MYO10: variants seen among roughly 807,000 people sequenced by gnomAD.
MYO10 encodes myosin X.
MYO10 carries 133 observed loss-of-function variants against 257.3 expected under a neutral mutation model. That is an observed-to-expected ratio of 0.52 (90% CI 0.45 to 0.60). The LOEUF (loss-of-function observed/expected upper bound fraction) is 0.60. Ranked by LOEUF, MYO10 falls within the 20% of genes least tolerant of loss-of-function variation. The pLI, the probability that MYO10 is intolerant of heterozygous loss-of-function variation, is 0.00. For synonymous variants in MYO10, 1,104 were observed against 1,028.6 expected (o/e 1.07, Z -1.40); for missense variants, 2,399 against 2,635.7 (o/e 0.91, Z 1.97).
Position 16,711,353 on chromosome 5 carries a change from C to T in MYO10, c.1930-108G>A, listed in dbSNP as rs1037439967. 63 of 1,141,038 alleles carry T rather than the reference C, an allele frequency of 5.5e-5. No individual in the cohort carries two copies. The East Asian group carries it at 1.6e-3, about 28-fold the overall frequency. 70.7% of individuals were successfully genotyped at this position (1,141,038 alleles called of 1,614,324 possible). A position where few individuals can be genotyped will look rare whatever the true frequency, so the allele number is the denominator to read the frequency against. ...CATTGGTTTACCCCGCTTCAAAACA[C>T]ATACGAGAATCTTGAACCTACACAG... On this transcript the variant is annotated intron_variant, in intron 19 of 40. Coordinates refer to ENST00000513610, the MANE Select transcript of MYO10 (RefSeq NM_012334.3).
At chr5:16,903,698 C>A (rs1333020746) in intron 1 of MYO10, among the ~76,000 whole-genome samples, 3 of 152,050 alleles carry the variant, frequency 2.0e-5, no homozygotes, top group Non-Finnish European at 4.4e-5. Context: ...TGCTCAACAG[C>A]CTGAAAAAGG....
intron 3 of MYO10, among the ~76,000 whole-genome samples, chr5:16,814,361 G>C (rs900763840): frequency 3.9e-5 from 6 of 151,946 alleles, no homozygotes; most frequent in African/African-American, 1.5e-4. Context: ...TGTTAGCCAG[G>C]ATGGTCTCGA....
intron 2 of MYO10, among the ~76,000 whole-genome samples, chr5:16,868,032 A>T (rs1744331052): frequency 6.6e-6 from 1 of 152,136 alleles, no homozygotes; most frequent in South Asian, 2.1e-4. Flanking sequence ...CTGAATAACT[A>T]CCCCTTAAAA....
At chr5:16,764,723 C>G (rs1467013239) in intron 11 of MYO10, among the ~76,000 whole-genome samples, 1 of 152,116 alleles carries the variant, frequency 6.6e-6, no homozygotes, top group Non-Finnish European at 1.5e-5. Context: ...GAGTCTAGCT[C>G]TGTCACCCAG....
Position 16,672,842 on chromosome 5 carries a change from G to C in MYO10, c.5173-17C>G. ...CTCCACCACCTGGAAGACACACCAG[G>C]GGGACTTCAGTTCCACAGGCTGCGG... On this transcript the variant is annotated splice_polypyrimidine_tract_variant and intron_variant, in intron 36 of 40. Transcript: ENST00000513610. 6.2e-7 allele frequency: 1 copy of C among 1,610,446 alleles called. No homozygotes were observed.
intron 2 of MYO10, among the ~76,000 whole-genome samples, chr5:16,872,860 C>T (rs1290267712): frequency 6.6e-6 from 1 of 152,148 alleles, no homozygotes; most frequent in Non-Finnish European, 1.5e-5. Flanking sequence ...AAGACTGGCC[C>T]CCATGATTCA....
chr5:16,839,739 T>A (rs905847244), intron 2 of MYO10, among the ~76,000 whole-genome samples: 1 of 152,000 alleles, frequency 6.6e-6, no homozygotes, highest in Non-Finnish European at 1.5e-5. Flanking sequence ...AAACTCTGTC[T>A]CAAAAAAAAT....
intron 1 of MYO10, among the ~76,000 whole-genome samples, chr5:16,909,002 T>C (rs1745586108): frequency 6.6e-6 from 1 of 152,246 alleles, no homozygotes; most frequent in African/African-American, 2.4e-5. Flanking sequence ...GAACAGGTGC[T>C]ATGTCTTGGA....
chr5:16,743,567 C>T (rs894689046), intron 19 of MYO10, among the ~76,000 whole-genome samples: 5 of 151,774 alleles, frequency 3.3e-5, no homozygotes, highest in Non-Finnish European at 5.9e-5. Flanking sequence ...TGCTTGAACT[C>T]GGGAGGCAGT....
chr5:16,926,032 A>C (rs1008049429), intron 1 of MYO10, among the ~76,000 whole-genome samples: 4 of 152,236 alleles, frequency 2.6e-5, no homozygotes, highest in African/African-American at 9.6e-5. Flanking sequence ...CTAAAAGAGG[A>C]TAATTTGAAT....
intron 4 of MYO10, among the ~76,000 whole-genome samples, chr5:16,790,159 G>A (rs145440261): frequency 1.2e-3 from 181 of 151,984 alleles, no homozygotes; most frequent in African/African-American, 4.2e-3. Flanking sequence ...TCAATTACCA[G>A]TCCAGGACAT....
In MYO10 at chr5:16,662,335, T is replaced by TTTTTG. The variant is rs1736015312; in HGVS notation, c.*4356_*4357insCAAAA. On this transcript the variant is annotated 3_prime_UTR_variant, in exon 41 of 41. Coordinates refer to ENST00000513610, the MANE Select transcript of MYO10 (RefSeq NM_012334.3). ...TGAACTATTTTTTTTTTTTTTTTTT[T>TTTTTG]TTTTTGGAGACAGAGTCTTGCTCTG... is the stretch of plus-strand genomic sequence containing the variant. 9.1e-6 allele frequency: 1 copy of TTTTTG among 109,350 alleles called. No homozygotes were observed. Among genetic ancestry groups the TTTTTG allele is most frequent in the Non-Finnish European group, 1.9e-5 (1 of 52,180 alleles). 6.8% of individuals were successfully genotyped at this position (109,350 alleles called of 1,614,324 possible). A position where few individuals can be genotyped will look rare whatever the true frequency, so the allele number is the denominator to read the frequency against.
At chr5:16,677,416 C>CTTTTTTTTTTTTTTTTTTTTTTTTTTTTT (rs796474728) in intron 33 of MYO10, among the ~76,000 whole-genome samples, 2 of 119,380 alleles carry the variant, frequency 1.7e-5, no homozygotes, top group Admixed American at 9.3e-5. Flanking sequence ...GTAACTTGAC[C>CTTTTTTTTTTTTTTTTTTTTTTTTTTTTT]TTTTTTTTTT....
intron 40 of MYO10, 67 bp downstream of exon 40, chr5:16,668,210 A>G: frequency 6.8e-7 from 1 of 1,479,146 alleles, no homozygotes; most frequent in Non-Finnish European, 9.1e-7. Flanking sequence ...GGCATGAGGA[A>G]ATGGGGTCCT....
chr5:16,669,473 G>A (rs573649321), intron 39 of MYO10, among the ~76,000 whole-genome samples: 1 of 152,180 alleles, frequency 6.6e-6, no homozygotes, highest in Admixed American at 6.5e-5. Context: ...CAAAGCGCTG[G>A]GATTACAGGC....
At chr5:16,740,899 C>A (rs550873809) in intron 19 of MYO10, among the ~76,000 whole-genome samples, 56 of 149,170 alleles carry the variant, frequency 3.8e-4, no homozygotes, top group Middle Eastern at 7.0e-3. Flanking sequence ...AAAAAAAAAA[C>A]CCAACATTCT....
intron 2 of MYO10, among the ~76,000 whole-genome samples, chr5:16,826,840 T>C (rs1160528413): frequency 1.3e-5 from 2 of 152,140 alleles, no homozygotes; most frequent in Admixed American, 6.6e-5. Context: ...ATAACAAAGG[T>C]TGTTAAGATA....
intron 33 of MYO10, among the ~76,000 whole-genome samples, chr5:16,676,363 G>A (rs1736723273): frequency 6.6e-6 from 1 of 152,064 alleles, no homozygotes; most frequent in African/African-American, 2.4e-5. Flanking sequence ...TTATTTTCTC[G>A]TGCGTGTACT....
intron 1 of MYO10, among the ~76,000 whole-genome samples, chr5:16,909,114 G>T (rs1168337688): frequency 6.6e-6 from 1 of 152,200 alleles, no homozygotes; most frequent in African/African-American, 2.4e-5. Context: ...CACATGGGTG[G>T]AGAGGCCTCA....
Sources: gnomAD v4.1 joint callset for allele counts (sites outside exome capture counted in the v4.1 genomes callset) on GRCh38, gnomAD v4.1.1 for gene constraint, MANE v1.5 for transcripts, NCBI Gene and HGNC (gene_info 2026-07-23, HGNC 2026-07-21) for gene names.